The following GALNTL6 variants were observed in gnomAD, a reference collection of about 807,000 sequenced individuals.
GALNTL6 encodes polypeptide N-acetylgalactosaminyltransferase-like 6.
Under a neutral mutation model 73.7 loss-of-function variants are expected in GALNTL6, and 46 were observed. The ratio of observed to expected loss-of-function variants is 0.62; its 90% CI spans 0.49 to 0.80. The LOEUF (loss-of-function observed/expected upper bound fraction) is 0.80, where lower values mean the gene tolerates loss of function less well. Ranked by LOEUF, GALNTL6 falls within the 30% of genes least tolerant of loss-of-function variation. GALNTL6 has a pLI of 0.00. For missense variants in GALNTL6, 604 were observed against 755.0 expected (o/e 0.80, Z 2.34); for synonymous variants, 259 against 263.7 (o/e 0.98, Z 0.17).
At chr4:172,830,436 ATACTGC>A (rs1440411787) in intron 7 of GALNTL6, among the ~76,000 whole-genome samples, 6 of 9,746 alleles carry the variant, frequency 6.2e-4, no homozygotes, top group Middle Eastern at 0.17. Context: ...TGTTTGTGTT[ATACTGC>A]CACTGCCACC....
At chr4:172,109,765 C>A (rs1732798247) in intron 2 of GALNTL6, among the ~76,000 whole-genome samples, 1 of 152,096 alleles carries the variant, frequency 6.6e-6, no homozygotes, top group Non-Finnish European at 1.5e-5. Context: ...TGGAACATCC[C>A]AAGGCAGATG....
At chr4:172,892,759 G>C (rs546891977) in intron 8 of GALNTL6, among the ~76,000 whole-genome samples, 1 of 152,072 alleles carries the variant, frequency 6.6e-6, no homozygotes, top group Non-Finnish European at 1.5e-5. Flanking sequence ...TCCATTCCTA[G>C]GTCTTGGTAG....
intron 2 of GALNTL6, among the ~76,000 whole-genome samples, chr4:172,140,405 C>T (rs887173833): frequency 2.6e-5 from 4 of 151,956 alleles, no homozygotes; most frequent in Admixed American, 6.6e-5. Context: ...TTCTAATAGT[C>T]TACAAAAGTC....
At chr4:172,944,132 T>G (rs541461773) in intron 9 of GALNTL6, among the ~76,000 whole-genome samples, 1 of 152,312 alleles carries the variant, frequency 6.6e-6, no homozygotes, top group South Asian at 2.1e-4. Context: ...CAAATTGAAC[T>G]TCATTGAAAT....
chr4:172,242,287 A>G (rs1246100482), intron 3 of GALNTL6, among the ~76,000 whole-genome samples: 1 of 151,916 alleles, frequency 6.6e-6, no homozygotes, highest in Non-Finnish European at 1.5e-5. Flanking sequence ...AAAAACATAC[A>G]TGTTAAGTAA....
At chr4:172,908,716 A>G (rs1299562407) in intron 8 of GALNTL6, among the ~76,000 whole-genome samples, 1 of 151,674 alleles carries the variant, frequency 6.6e-6, no homozygotes, top group African/African-American at 2.4e-5. Context: ...GAAAAAAACA[A>G]TTTACAACAG....
intron 2 of GALNTL6, among the ~76,000 whole-genome samples, chr4:171,943,429 ATTC>A (rs1260381554): frequency 6.6e-6 from 1 of 152,184 alleles, no homozygotes; most frequent in Non-Finnish European, 1.5e-5. Flanking sequence ...GATTGCTGAA[ATTC>A]TTCTACAATC....
chr4:172,474,563 A>T (rs999714933), intron 5 of GALNTL6, among the ~76,000 whole-genome samples: 8 of 152,194 alleles, frequency 5.3e-5, no homozygotes, highest in African/African-American at 1.9e-4. Flanking sequence ...TAATCACTAT[A>T]CATTGGCACT....
chr4:172,374,171 T>G (rs1273507342), intron 5 of GALNTL6, among the ~76,000 whole-genome samples: 1 of 152,224 alleles, frequency 6.6e-6, no homozygotes, highest in Non-Finnish European at 1.5e-5. Context: ...TAAACCACAC[T>G]GATAACAAGC....
At chr4:172,390,707 T>C (rs1743633819) in intron 5 of GALNTL6, among the ~76,000 whole-genome samples, 1 of 152,218 alleles carries the variant, frequency 6.6e-6, no homozygotes, top group African/African-American at 2.4e-5. Flanking sequence ...ACTACTGTAT[T>C]TCCAGAAAAT....
intron 5 of GALNTL6, among the ~76,000 whole-genome samples, chr4:172,689,868 A>T (rs10008235): frequency 0.98 from 149,076 of 152,242 alleles, 73,067 homozygotes; most frequent in Non-Finnish European, 1. Context: ...TGATAATGTA[A>T]CCAGACAACA....
intron 2 of GALNTL6, among the ~76,000 whole-genome samples, chr4:171,840,440 T>C (rs1735209079): frequency 6.6e-6 from 1 of 152,184 alleles, no homozygotes; most frequent in Admixed American, 6.5e-5. Context: ...GGAGCTGGCA[T>C]GCTGTGACCC....
chr4:172,939,342 G>A (rs1429830974), intron 9 of GALNTL6, among the ~76,000 whole-genome samples: 1 of 152,018 alleles, frequency 6.6e-6, no homozygotes, highest in African/African-American at 2.4e-5. Context: ...CTACTTAGAA[G>A]GAGCTTTTTA....
intron 5 of GALNTL6, among the ~76,000 whole-genome samples, chr4:172,518,125 A>C (rs1246050365): frequency 6.6e-6 from 1 of 151,932 alleles, no homozygotes; most frequent in Non-Finnish European, 1.5e-5. Flanking sequence ...AGAGTCACCA[A>C]AGGGATCCTG....
At chr4:171,983,368 C>T (rs1481172526) in intron 2 of GALNTL6, among the ~76,000 whole-genome samples, 2 of 152,128 alleles carry the variant, frequency 1.3e-5, no homozygotes, top group Non-Finnish European at 2.9e-5. Flanking sequence ...CGTTGTGCTC[C>T]AGAAAACTTT....
At position 172,070,079 on chromosome 4, in the gene GALNTL6, AG is replaced by A. The variant is rs1199277636; in HGVS notation, c.139-159575del. ...TCATCTTGTGGAGAACATTCCCAGC[AG>A]GAGAAATAGTAATGTCGCTGTTTTG... On this transcript the variant is annotated intron_variant, in intron 2 of 12. Coordinates refer to ENST00000506823, the MANE Select transcript of GALNTL6 (RefSeq NM_001034845.3). Among the ~76,000 whole-genome samples the A allele has an allele frequency of 2.7e-5, 3 of 109,108 alleles. 1 individual carries two copies. The highest frequency in any genetic ancestry group is 1.0e-4 in the African/African-American group (3 of 28,966). 71.6% of individuals were successfully genotyped at this position (109,108 alleles called of 152,430 possible).
intron 2 of GALNTL6, among the ~76,000 whole-genome samples, chr4:171,843,766 T>C (rs1470625130): frequency 6.6e-6 from 1 of 152,134 alleles, no homozygotes; most frequent in Non-Finnish European, 1.5e-5. Flanking sequence ...ATCTACATAG[T>C]TTTAGACATT....
chr4:172,782,169 C>A (rs1281547095), intron 5 of GALNTL6, among the ~76,000 whole-genome samples: 1 of 152,046 alleles, frequency 6.6e-6, no homozygotes, highest in Non-Finnish European at 1.5e-5. Flanking sequence ...AAACTCATTT[C>A]TTTTACTTTT....
intron 5 of GALNTL6, among the ~76,000 whole-genome samples, chr4:172,611,773 C>T (rs955743543): frequency 3.9e-5 from 6 of 151,908 alleles, no homozygotes; most frequent in African/African-American, 1.2e-4. Context: ...CTCATGAAGG[C>T]GTTTTGCCAT....
Sources: allele counts gnomAD v4.1 joint callset (sites outside exome capture counted in the v4.1 genomes callset), GRCh38; gene constraint gnomAD v4.1.1; transcripts MANE v1.5; gene names NCBI Gene and HGNC (gene_info 2026-07-23, HGNC 2026-07-21).